The following SLCO5A1 variants were observed in gnomAD, a reference collection of about 807,000 sequenced individuals.
The protein encoded by SLCO5A1 is solute carrier organic anion transporter family member 5A1.
In SLCO5A1, 39 loss-of-function variants were observed where a neutral mutation model predicts 65.1. The observed-to-expected ratio is 0.60, with a 90% CI of 0.46 to 0.78. The LOEUF (loss-of-function observed/expected upper bound fraction) is 0.78. Among genes scored for constraint, SLCO5A1 ranks in the 30% least tolerant of loss-of-function variants. The pLI is 0.00. For missense variants in SLCO5A1, 1,029 were observed against 1,069.4 expected (o/e 0.96, Z 0.53); for synonymous variants, 438 against 415.7 (o/e 1.05, Z -0.65).
At chr8:69,773,208 C>T (rs1818411189) in intron 2 of SLCO5A1, among the ~76,000 whole-genome samples, 1 of 152,236 alleles carries the variant, frequency 6.6e-6, no homozygotes, top group Admixed American at 6.5e-5. Flanking sequence ...CACACAGCTG[C>T]ATGCAGGCTG....
chr8:69,772,540 AAGG>A (rs745917395), intron 2 of SLCO5A1, among the ~76,000 whole-genome samples: 9 of 146,994 alleles, frequency 6.1e-5, no homozygotes, highest in African/African-American at 1.3e-4. Context: ...AAAGAAAAAA[AAGG>A]AGGGAAGGAG....
rs1437977521 is a variant in SLCO5A1, at chr8:69,670,564, A to ATTTC, written c.*2301_*2304dup. ...ACACTGTGGTGCACATTTCAGGCCC[A>ATTTC]TTTCTTTGAGTTCTGGCCCAATCAT... On this transcript the variant is annotated 3_prime_UTR_variant, in exon 10 of 10. Transcript: ENST00000260126. 6.6e-6 allele frequency: 1 copy of ATTTC among 152,180 alleles called. No individual in the cohort carries two copies. The highest frequency in any genetic ancestry group is 1.5e-5 in the Non-Finnish European group (1 of 68,034). The allele number at this position is 152,180 out of a possible 1,614,324, so 9.4% of individuals were successfully genotyped here. A position where few individuals can be genotyped will look rare whatever the true frequency, so the allele number is the denominator to read the frequency against.
At chr8:69,792,976 T>G (rs929487700) in intron 2 of SLCO5A1, among the ~76,000 whole-genome samples, 1 of 152,036 alleles carries the variant, frequency 6.6e-6, no homozygotes, top group Non-Finnish European at 1.5e-5. Context: ...TTTGGTTTTT[T>G]TGTTTTTTGT....
At chr8:69,693,707 A>G (rs896966825) in intron 6 of SLCO5A1, among the ~76,000 whole-genome samples, 3 of 152,226 alleles carry the variant, frequency 2.0e-5, no homozygotes, top group East Asian at 1.9e-4. Flanking sequence ...TTATTTATCA[A>G]TTGCTTACAA....
chr8:69,749,283 T>A (rs1817171936), intron 4 of SLCO5A1, among the ~76,000 whole-genome samples: 1 of 152,156 alleles, frequency 6.6e-6, no homozygotes, highest in African/African-American at 2.4e-5. Flanking sequence ...ACCTCTGGTA[T>A]CTCTCTCCAT....
At chr8:69,774,360 T>C (rs879316532) in intron 2 of SLCO5A1, among the ~76,000 whole-genome samples, 4 of 152,174 alleles carry the variant, frequency 2.6e-5, no homozygotes, top group Non-Finnish European at 5.9e-5. Flanking sequence ...CACAGATCCC[T>C]GACTCTTACC....
intron 2 of SLCO5A1, among the ~76,000 whole-genome samples, chr8:69,770,675 G>A (rs954855267): frequency 3.9e-5 from 6 of 152,066 alleles, no homozygotes; most frequent in Admixed American, 2.6e-4. Context: ...CCTGGCCTTG[G>A]ACATCACAGC....
intron 5 of SLCO5A1, chr8:69,714,718 C>T (rs1303461195): frequency 1.3e-5 from 2 of 152,202 alleles, no homozygotes; most frequent in African/African-American, 2.4e-5. Context: ...GAATTACACA[C>T]TTCTAAAAAC....
chr8:69,793,010 ACT>A (rs968999568), intron 2 of SLCO5A1, among the ~76,000 whole-genome samples: 1 of 151,396 alleles, frequency 6.6e-6, no homozygotes, highest in Non-Finnish European at 1.5e-5. Flanking sequence ...ACGGAATCTC[ACT>A]CTCTGCCCAG....
chr8:69,832,703 T>C lies in SLCO5A1; in HGVS notation c.-30A>G, dbSNP rs760953044. The C allele has an allele frequency of 2.1e-5, 33 of 1,568,430 alleles. No individual in the cohort carries two copies. Among genetic ancestry groups the C allele is most frequent in the Non-Finnish European group, 2.8e-5 (33 of 1,166,440 alleles). ...CTTAGAATTCAGATTTGATAGCTGA[T>C]GGCACCCAAGCACTCCGGCACGTTT... On this transcript the variant is annotated 5_prime_UTR_variant, in exon 2 of 10. Coordinates refer to ENST00000260126, the MANE Select transcript of SLCO5A1 (RefSeq NM_030958.3). The surrounding 1 kb of genome is among the most constrained non-coding windows in gnomAD (Gnocchi z 4.5).
Position 69,672,913 on chromosome 8 carries a change from G to A in SLCO5A1, c.2503C>T (p.Pro835Ser), listed in dbSNP as rs1357747969. The A allele has an allele frequency of 6.2e-7, 1 of 1,613,884 alleles. No individual in the cohort carries two copies. The highest frequency in any genetic ancestry group is 1.3e-5 in the African/African-American group (1 of 74,944). ...FPEAISSSAD[P>S]GLEESPAALE... ...GCAGCGGGGCTCTCTTCCAGCCCCG[G>A]GTCCGCAGAGGAACTTATTGCTTCT... Residue 835 changes from proline (P) to serine (S), a missense_variant, in exon 10 of 10, where the codon CCG (proline) becomes TCG (serine). This residue lies in a region of SLCO5A1 where 258 missense variants were observed against 237.4 expected (regional missense o/e 1.09). Transcript: ENST00000260126.
chr8:69,780,222 C>A (rs940800415), intron 2 of SLCO5A1, among the ~76,000 whole-genome samples: 2 of 152,128 alleles, frequency 1.3e-5, no homozygotes, highest in African/African-American at 4.8e-5. Context: ...ATTAGTATAG[C>A]CACTGTGGGA....
chr8:69,786,987 G>A (rs1194336770), intron 2 of SLCO5A1, among the ~76,000 whole-genome samples: 1 of 152,206 alleles, frequency 6.6e-6, no homozygotes, highest in East Asian at 1.9e-4. Flanking sequence ...AAAGCTGTCT[G>A]CATGGCAGAA....
chr8:69,773,299 A>G (rs1818415885), intron 2 of SLCO5A1, among the ~76,000 whole-genome samples: 1 of 152,158 alleles, frequency 6.6e-6, no homozygotes, highest in South Asian at 2.1e-4. Context: ...GCATTTGGAA[A>G]TGGTCTTCTG....
chr8:69,693,560 A>G lies in SLCO5A1; in HGVS notation c.1623-11217T>C, dbSNP rs575352056. Among the ~76,000 whole-genome samples, 4 of 152,332 alleles carry G rather than the reference A, an allele frequency of 2.6e-5. No individual in the cohort carries two copies. The South Asian group carries it at 8.3e-4, about 32-fold the overall frequency. On this transcript the variant is annotated intron_variant, in intron 6 of 9. Coordinates refer to ENST00000260126, the MANE Select transcript of SLCO5A1 (RefSeq NM_030958.3). ...ATAGTGTAATAATCAAAAGTATTGC[A>G]GCATTGCATCCAGAACCAAAGAAAC... is the stretch of plus-strand genomic sequence containing the variant.
intron 2 of SLCO5A1, among the ~76,000 whole-genome samples, chr8:69,783,441 A>G (rs1391303484): frequency 6.6e-6 from 1 of 152,028 alleles, no homozygotes; most frequent in Non-Finnish European, 1.5e-5. Flanking sequence ...AAATATATAC[A>G]CCTACTCTGT....
intron 6 of SLCO5A1, among the ~76,000 whole-genome samples, chr8:69,692,444 C>T (rs569989218): frequency 6.6e-6 from 1 of 152,132 alleles, no homozygotes; most frequent in African/African-American, 2.4e-5. Flanking sequence ...TACGCTAAAT[C>T]CATTAAAAAC....
At chr8:69,724,022 C>T (rs533072422) in intron 5 of SLCO5A1, among the ~76,000 whole-genome samples, 15 of 152,314 alleles carry the variant, frequency 9.8e-5, no homozygotes, top group South Asian at 2.1e-4. Flanking sequence ...ATTTGCCTGC[C>T]TCAGCCTTCC....
At chr8:69,783,736 T>C (rs1818901568) in intron 2 of SLCO5A1, among the ~76,000 whole-genome samples, 1 of 152,090 alleles carries the variant, frequency 6.6e-6, no homozygotes, top group African/African-American at 2.4e-5. Context: ...AAATATCTTA[T>C]GTTAAATATT....
Sources: gnomAD v4.1 joint callset for allele counts (sites outside exome capture counted in the v4.1 genomes callset) on GRCh38, gnomAD v4.1.1 for gene constraint, gnomAD v4.1.1 regional missense constraint, Gnocchi (gnomAD v3.1) non-coding constraint, MANE v1.5 for transcripts, NCBI Gene and HGNC (gene_info 2026-07-23, HGNC 2026-07-21) for gene names.